Variants in PPP2R1B observed in about 807,000 individuals in gnomAD.
The protein encoded by PPP2R1B is protein phosphatase 2 scaffold subunit Abeta.
PPP2R1B carries 58 observed loss-of-function variants against 72.7 expected under a neutral mutation model. The ratio of observed to expected loss-of-function variants is 0.80; its 90% CI spans 0.65 to 0.99. The LOEUF (loss-of-function observed/expected upper bound fraction) is 0.99, where lower values mean the gene tolerates loss of function less well. Ranked by LOEUF, PPP2R1B falls within the 50% of genes least tolerant of loss-of-function variation. PPP2R1B has a pLI of 0.00. For synonymous variants in PPP2R1B, 256 were observed against 264.6 expected (o/e 0.97, Z 0.32); for missense variants, 695 against 733.6 (o/e 0.95, Z 0.61).
chr11:111,700,568 T>G, the PPP2R1B span, among the ~76,000 whole-genome samples: 13 of 152,208 alleles, frequency 8.5e-5, no homozygotes, highest in African/African-American at 3.1e-4. Context: ...ATTCTAAGAT[T>G]ATCAAATACT....
At chr11:111,690,577 A>G in the PPP2R1B span, among the ~76,000 whole-genome samples, 1 of 151,848 alleles carries the variant, frequency 6.6e-6, no homozygotes, top group East Asian at 1.9e-4. Context: ...CCCTGCATGG[A>G]TTAGGTATTT....
At chr11:111,735,534 C>T (rs553077378), downstream of PPP2R1B, among the ~76,000 whole-genome samples, 91 of 152,334 alleles carry the variant, frequency 6.0e-4, no homozygotes, top group African/African-American at 1.9e-3. Flanking sequence ...AGGTGACCCT[C>T]GCTGCTCCCT....
intron 3 of PPP2R1B, among the ~76,000 whole-genome samples, chr11:111,764,481 C>T (rs1591716412): frequency 6.6e-6 from 1 of 152,120 alleles, no homozygotes; most frequent in Admixed American, 6.5e-5. Context: ...CTGACAAAGA[C>T]AAAATGCTGC....
At chr11:111,757,894 G>A (rs907644603) in intron 5 of PPP2R1B, among the ~76,000 whole-genome samples, 11 of 150,662 alleles carry the variant, frequency 7.3e-5, no homozygotes, top group Non-Finnish European at 1.2e-4. Context: ...TCCTACACCT[G>A]TTCCTCTTCC....
chr11:111,723,748 G>A, downstream of PPP2R1B: 1 of 1,614,068 alleles, frequency 6.2e-7, no homozygotes. Context: ...TGCAGCTTCA[G>A]CCCCTGCCCT....
Position 111,742,129 on chromosome 11 carries a change from T to C in PPP2R1B, c.1713A>G (p.Glu571=). 1.2e-6 allele frequency: 2 copies of C among 1,612,940 alleles called. No homozygotes were observed. The highest frequency in any genetic ancestry group is 1.7e-6 in the Non-Finnish European group (2 of 1,179,028). Reference sequence around the variant, plus strand: ...CTAACTTCTGTAGTACTGGCTTCACTTCTCCCTGTAAAGCACTGACATTCA... The same window carrying C: ...CTAACTTCTGTAGTACTGGCTTCACCTCTCCCTGTAAAGCACTGACATTCA... ...PILDTNALQG[E]VKPVLQKLGQ... Residue 571 remains glutamate (E), a synonymous_variant, in exon 14 of 15, where the codon GAA becomes GAG. Transcript: ENST00000527614.
At chr11:111,757,697 T>C (rs1945175064) in intron 5 of PPP2R1B, among the ~76,000 whole-genome samples, 1 of 151,890 alleles carries the variant, frequency 6.6e-6, no homozygotes, top group Non-Finnish European at 1.5e-5. Context: ...TAGCCAGTCA[T>C]GGTGGCAGGC....
At chr11:111,753,120 T>G (rs1252382438) in intron 9 of PPP2R1B, among the ~76,000 whole-genome samples, 7 of 152,210 alleles carry the variant, frequency 4.6e-5, no homozygotes, top group African/African-American at 1.4e-4. Context: ...ATCATTATAA[T>G]TTTTGATACT....
At position 111,754,172 on chromosome 11, in the gene PPP2R1B, G is replaced by A. The variant is rs528637877; in HGVS notation, c.1029+327C>T. ...GCTCAAGAAATCCTCCCACCTCAGC[G>A]TCCCAAAGTGCTTGGATTACAGGCA... is the stretch of plus-strand genomic sequence containing the variant. On this transcript the variant is annotated intron_variant, in intron 8 of 14. Transcript: ENST00000527614. 4.6e-5 allele frequency among the ~76,000 whole-genome samples: 7 copies of A among 152,118 alleles called. No homozygotes were observed. The South Asian group carries it at 8.3e-4, about 18-fold the overall frequency.
At chr11:111,735,622 C>T (rs1385253474), downstream of PPP2R1B, among the ~76,000 whole-genome samples, 1 of 152,214 alleles carries the variant, frequency 6.6e-6, no homozygotes, top group Non-Finnish European at 1.5e-5. Context: ...GCCAAGGAGG[C>T]GCTCTTCACC....
intron 10 of PPP2R1B, among the ~76,000 whole-genome samples, chr11:111,749,298 T>C (rs782298705): frequency 2.8e-4 from 43 of 151,720 alleles, no homozygotes; most frequent in African/African-American, 4.4e-4. Flanking sequence ...TTGTTGTTGT[T>C]GTCGAGACGG....
chr11:111,705,849 G>C, the PPP2R1B span, among the ~76,000 whole-genome samples: 1 of 152,196 alleles, frequency 6.6e-6, no homozygotes, highest in Non-Finnish European at 1.5e-5. The surrounding 1 kb of genome is among the most constrained non-coding windows in gnomAD (Gnocchi z 4.3). Flanking sequence ...GAGAAAAGAA[G>C]AAATTTGGAG....
At chr11:111,722,230 T>C (rs1943823440), downstream of PPP2R1B, among the ~76,000 whole-genome samples, 1 of 152,194 alleles carries the variant, frequency 6.6e-6, no homozygotes, top group Admixed American at 6.5e-5. This position sits in a 1 kb window ranked among gnomAD's most constrained non-coding sequence, Gnocchi z 4.4. Context: ...TTCCTCTTAA[T>C]GAGTAACAAA....
the PPP2R1B span, among the ~76,000 whole-genome samples, chr11:111,702,320 T>C: frequency 6.6e-6 from 1 of 152,204 alleles, no homozygotes; most frequent in Non-Finnish European, 1.5e-5. Flanking sequence ...TGCAGTGGTT[T>C]ATACCTGTAA....
Position 111,738,784 on chromosome 11 carries a change from TA to T in PPP2R1B, c.*2811del. The T allele has an allele frequency of 5.1e-6, 5 of 985,392 alleles. No homozygotes were observed. The highest frequency in any genetic ancestry group is 6.0e-6 in the Non-Finnish European group (5 of 829,932). The allele number at this position is 985,392 out of a possible 1,614,324, so 61.0% of individuals were successfully genotyped here. A position where few individuals can be genotyped will look rare whatever the true frequency, so the allele number is the denominator to read the frequency against. On this transcript the variant is annotated 3_prime_UTR_variant, in exon 15 of 15. Coordinates refer to ENST00000527614, the MANE Select transcript of PPP2R1B (RefSeq NM_002716.5). ...GAGAGAGAAACAAGACCTGGTCTCT[TA>T]AACCTGTGAGGGGTAAACCCCACAC...
At chr11:111,721,984 G>C (rs1401270976), downstream of PPP2R1B, 1 of 1,443,774 alleles carries the variant, frequency 6.9e-7, no homozygotes, top group East Asian at 2.3e-5. Flanking sequence ...TGCTCATCCA[G>C]AATCTGTTCT....
chr11:111,721,863 A>T, the PPP2R1B span: 2 of 1,611,250 alleles, frequency 1.2e-6, no homozygotes, highest in Non-Finnish European at 1.7e-6. Flanking sequence ...AAGCGTCTCC[A>T]CTCTCCCTGC....
In PPP2R1B at chr11:111,738,136, G is replaced by A. The variant is rs1591671994; in HGVS notation, c.*3460C>T. 1.0e-6 allele frequency: 1 copy of A among 987,622 alleles called. No individual in the cohort carries two copies. Among genetic ancestry groups the A allele is most frequent in the Non-Finnish European group, 1.2e-6 (1 of 831,224 alleles). The allele number at this position is 987,622 out of a possible 1,614,324, so 61.2% of individuals were successfully genotyped here. Reference sequence around the variant, plus strand: ...GGAACTGGATGGAAACAGGAATACTGGAGAATCAAAGGGAAACAGTTACAT... The same window carrying A: ...GGAACTGGATGGAAACAGGAATACTAGAGAATCAAAGGGAAACAGTTACAT... On this transcript the variant is annotated 3_prime_UTR_variant, in exon 15 of 15. Transcript: ENST00000527614.
At chr11:111,744,092 G>T (rs1944619981) in intron 11 of PPP2R1B, among the ~76,000 whole-genome samples, 1 of 152,180 alleles carries the variant, frequency 6.6e-6, no homozygotes, top group Admixed American at 6.5e-5. Context: ...GACACAAACA[G>T]AAAAAACTGA....
Sources: allele counts gnomAD v4.1 joint callset (sites outside exome capture counted in the v4.1 genomes callset), GRCh38; gene constraint gnomAD v4.1.1; non-coding constraint Gnocchi (gnomAD v3.1); transcripts MANE v1.5; gene names NCBI Gene and HGNC (gene_info 2026-07-23, HGNC 2026-07-21).